SNX13: variants seen among roughly 807,000 people sequenced by gnomAD.
The protein encoded by SNX13 is sorting nexin 13, also known as sorting nexin-13.
Under a neutral mutation model 133.6 loss-of-function variants are expected in SNX13, and 45 were observed. That is an observed-to-expected ratio of 0.34 (90% confidence interval 0.27 to 0.43). The LOEUF is 0.43. Ranked by LOEUF, SNX13 falls within the 20% of genes least tolerant of loss-of-function variation. SNX13 has a pLI of 1.00. For missense variants in SNX13, 1,032 were observed against 1,145.1 expected (o/e 0.90, Z 1.43); for synonymous variants, 414 against 373.9 (o/e 1.11, Z -1.24).
intron 17 of SNX13, among the ~76,000 whole-genome samples, chr7:17,824,360 AG>A (rs1443491833): frequency 6.6e-6 from 1 of 152,148 alleles, no homozygotes; most frequent in African/African-American, 2.4e-5. Flanking sequence ...CTAGTCTATA[AG>A]CTCCTACTTT....
chr7:17,849,955 T>G (rs570426676), intron 11 of SNX13, among the ~76,000 whole-genome samples: 1 of 152,342 alleles, frequency 6.6e-6, no homozygotes, highest in East Asian at 1.9e-4. Context: ...GTCAATTTGC[T>G]TATTGGTTTA....
At position 17,906,518 on chromosome 7, in the gene SNX13, T is replaced by C. The variant is rs534092674; in HGVS notation, c.13-9072A>G. 1.4e-4 allele frequency among the ~76,000 whole-genome samples: 21 copies of C among 152,118 alleles called. No individual in the cohort carries two copies. The South Asian group carries it at 4.2e-3, about 30-fold the overall frequency. On this transcript the variant is annotated intron_variant, in intron 1 of 25. Coordinates refer to ENST00000428135, the MANE Select transcript of SNX13 (RefSeq NM_015132.5). The stretch of plus-strand genomic sequence containing the variant: ...CACGTAGTTTATTTAGTTCCAACTA[T>C]ACTCCCACCTCAAAGAAAAAAAAAA...
At chr7:17,806,126 C>T (rs988709324) in intron 20 of SNX13, among the ~76,000 whole-genome samples, 6 of 152,142 alleles carry the variant, frequency 3.9e-5, no homozygotes, top group Admixed American at 3.9e-4. Context: ...ATTACCACCC[C>T]AGCTGAGTTA....
chr7:17,916,188 A>C (rs1042263246), intron 1 of SNX13, among the ~76,000 whole-genome samples: 2 of 124,670 alleles, frequency 1.6e-5, no homozygotes, highest in African/African-American at 3.2e-5. Context: ...TACACCAAGG[A>C]GATAGACGTC....
intron 17 of SNX13, among the ~76,000 whole-genome samples, chr7:17,825,003 C>T (rs1331854628): frequency 2.6e-5 from 4 of 151,978 alleles, no homozygotes; most frequent in African/African-American, 7.2e-5. Flanking sequence ...ATCTTGACCT[C>T]GTGATCCGCC....
At chr7:17,876,183 A>T (rs531014342) in intron 5 of SNX13, among the ~76,000 whole-genome samples, 12 of 152,336 alleles carry the variant, frequency 7.9e-5, no homozygotes, top group Non-Finnish European at 1.8e-4. Context: ...AGCATTTCAA[A>T]CATTTCTTGG....
intron 19 of SNX13, among the ~76,000 whole-genome samples, chr7:17,815,888 A>T (rs1234628308): frequency 6.6e-6 from 1 of 152,220 alleles, no homozygotes; most frequent in Non-Finnish European, 1.5e-5. Context: ...TTTAAAAAAA[A>T]AATTCAAATG....
At chr7:17,916,347 A>C (rs918675049) in intron 1 of SNX13, among the ~76,000 whole-genome samples, 1 of 152,194 alleles carries the variant, frequency 6.6e-6, no homozygotes, top group Non-Finnish European at 1.5e-5. Context: ...GCCAAAAAAC[A>C]TACAAAGGAT....
chr7:17,928,339 T>A (rs1013877821), intron 1 of SNX13, among the ~76,000 whole-genome samples: 2 of 152,148 alleles, frequency 1.3e-5, no homozygotes, highest in Non-Finnish European at 2.9e-5. Context: ...TAAAAAAATA[T>A]ATATATTAAG....
intron 17 of SNX13, among the ~76,000 whole-genome samples, chr7:17,825,518 G>A (rs756510941): frequency 2.0e-5 from 3 of 152,084 alleles, no homozygotes; most frequent in Non-Finnish European, 2.9e-5. Context: ...TTATTTTTCC[G>A]AATTTACTAA....
intron 11 of SNX13, 103 bp from the exon 12 acceptor site, chr7:17,845,797 G>C (rs1004165955): frequency 1.4e-6 from 1 of 734,836 alleles, no homozygotes; most frequent in Non-Finnish European, 2.1e-6. Context: ...ACGGAGTAAA[G>C]ATGAAGTTTT....
rs117929399 is a variant in SNX13, at chr7:17,845,504, T to C, written c.1165+91A>G. ...CACTGAACTATACACTTAAAAATAG[T>C]TGAGATACTAAATTTTATGTGTATT... On this transcript the variant is annotated intron_variant, in intron 12 of 25. Coordinates refer to ENST00000428135, the MANE Select transcript of SNX13 (RefSeq NM_015132.5). 7,103 of 762,732 alleles carry C rather than the reference T, an allele frequency of 9.3e-3. 42 individuals carry two copies. The highest frequency in any genetic ancestry group is 0.012 in the Non-Finnish European group (5,682 of 473,120). 47.2% of individuals were successfully genotyped at this position (762,732 alleles called of 1,614,324 possible).
intron 1 of SNX13, among the ~76,000 whole-genome samples, chr7:17,915,660 C>T (rs898295741): frequency 2.6e-5 from 4 of 152,128 alleles, no homozygotes; most frequent in Admixed American, 2.0e-4. Flanking sequence ...TTTCAGCTAA[C>T]CTACAACTAC....
intron 20 of SNX13, among the ~76,000 whole-genome samples, chr7:17,806,763 A>T (rs541199533): frequency 4.6e-5 from 7 of 152,298 alleles, no homozygotes; most frequent in African/African-American, 1.7e-4. Flanking sequence ...TACCCAGCTC[A>T]TCTCACTGGG....
intron 9 of SNX13, among the ~76,000 whole-genome samples, chr7:17,865,244 T>C (rs1793240605): frequency 6.6e-6 from 1 of 152,152 alleles, no homozygotes; most frequent in Admixed American, 6.5e-5. Context: ...ATATCTTTAG[T>C]GAGATGACTA....
intron 1 of SNX13, among the ~76,000 whole-genome samples, chr7:17,909,124 A>C (rs1189444362): frequency 6.6e-6 from 1 of 152,130 alleles, no homozygotes; most frequent in Admixed American, 6.5e-5. Flanking sequence ...GAGAAATGCT[A>C]ATCAAAAAAA....
At chr7:17,800,305 G>T (rs905717073) in intron 22 of SNX13, among the ~76,000 whole-genome samples, 1 of 151,176 alleles carries the variant, frequency 6.6e-6, no homozygotes, top group Non-Finnish European at 1.5e-5. Flanking sequence ...AAACAAATTC[G>T]ATTAGAAACA....
rs780714879 is a variant in SNX13, at chr7:17,940,480, C to A, written c.-185G>T. 2 of 731,098 alleles carry A rather than the reference C, an allele frequency of 2.7e-6. No individual in the cohort carries two copies. Among genetic ancestry groups the A allele is most frequent in the Non-Finnish European group, 2.4e-6 (1 of 411,656 alleles). 45.3% of individuals were successfully genotyped at this position (731,098 alleles called of 1,614,324 possible). On this transcript the variant is annotated 5_prime_UTR_variant, in exon 1 of 26. Transcript: ENST00000428135. Reference sequence around the variant, plus strand: ...CCGGTCGCTCGCGACGGACGCGCCGCCATCTTGGAAGAGCGACGTCCGCGT... The same window carrying A: ...CCGGTCGCTCGCGACGGACGCGCCGACATCTTGGAAGAGCGACGTCCGCGT...
intron 13 of SNX13, among the ~76,000 whole-genome samples, chr7:17,837,532 G>A (rs1177431812): frequency 4.0e-5 from 6 of 151,870 alleles, no homozygotes; most frequent in East Asian, 3.9e-4. Context: ...ATTTGATTTC[G>A]GTGCTCCAAA....
Sources: gnomAD v4.1 joint callset for allele counts (sites outside exome capture counted in the v4.1 genomes callset) on GRCh38, gnomAD v4.1.1 for gene constraint, MANE v1.5 for transcripts, NCBI Gene and HGNC (gene_info 2026-07-23, HGNC 2026-07-21) for gene names.